The following UBE2E2 variants were observed in gnomAD, a reference collection of about 807,000 sequenced individuals.
UBE2E2 encodes ubiquitin conjugating enzyme E2 E2.
Under a neutral mutation model 24.7 loss-of-function variants are expected in UBE2E2, and 6 were observed. The ratio of observed to expected loss-of-function variants is 0.24; its 90% CI spans 0.13 to 0.48. UBE2E2 has a LOEUF of 0.48. Ranked by LOEUF, UBE2E2 falls within the 20% of genes least tolerant of loss-of-function variation. The pLI, the probability that UBE2E2 is intolerant of heterozygous loss-of-function variation, is 0.99. For synonymous variants in UBE2E2, 104 were observed against 83.6 expected, an observed-to-expected ratio of 1.24 and a Z score of -1.33; for missense variants, 169 against 245.0, an observed-to-expected ratio of 0.69 and a Z score of 2.07.
At chr3:23,310,526 G>A (rs1312083647) in intron 3 of UBE2E2, among the ~76,000 whole-genome samples, 2 of 152,152 alleles carry the variant, frequency 1.3e-5, no homozygotes, top group African/African-American at 4.8e-5. Context: ...AATGGGGAAT[G>A]AAAAGGAAAG....
At position 23,583,392 on chromosome 3, in the gene UBE2E2, G is replaced by A. The variant is rs117479769; in HGVS notation, c.509-6342G>A. 6.6e-6 allele frequency among the ~76,000 whole-genome samples: 1 copy of A among 152,134 alleles called. No individual in the cohort carries two copies. Among genetic ancestry groups the A allele is most frequent in the Non-Finnish European group, 1.5e-5 (1 of 68,024 alleles). On this transcript the variant is annotated intron_variant, in intron 5 of 5. Transcript: ENST00000396703. This position sits in a 1 kb window ranked among gnomAD's most constrained non-coding sequence, Gnocchi z 4.1. ...CTTCCACCTTTGTTCTTTTTGCTTAGCATTGCTTTGGCTATTCAGGCCCTT... is the reference window on the plus strand; with the variant it reads ...CTTCCACCTTTGTTCTTTTTGCTTAACATTGCTTTGGCTATTCAGGCCCTT...
chr3:23,303,841 G>C (rs534093165), intron 3 of UBE2E2, among the ~76,000 whole-genome samples: 64 of 152,226 alleles, frequency 4.2e-4, no homozygotes, highest in Non-Finnish European at 8.5e-4. Flanking sequence ...ACCATTCTTG[G>C]CCTTTTAAGT....
intron 2 of UBE2E2, among the ~76,000 whole-genome samples, chr3:23,211,269 AT>A (rs1696314961): frequency 6.6e-6 from 1 of 152,148 alleles, no homozygotes. Context: ...GTTGACGATC[AT>A]TTTTATTCAG....
At chr3:23,228,372 G>C (rs1696880014) in intron 3 of UBE2E2, among the ~76,000 whole-genome samples, 1 of 151,986 alleles carries the variant, frequency 6.6e-6, no homozygotes. Flanking sequence ...AGTTTGCCCA[G>C]CTTTATATCT....
At chr3:23,515,659 G>A (rs2125469833) in intron 4 of UBE2E2, among the ~76,000 whole-genome samples, 1 of 152,072 alleles carries the variant, frequency 6.6e-6, no homozygotes, top group Non-Finnish European at 1.5e-5. Flanking sequence ...TATAAAAGTG[G>A]TATAAAAATT....
At chr3:23,481,561 A>T (rs1699260778) in intron 3 of UBE2E2, among the ~76,000 whole-genome samples, 1 of 152,152 alleles carries the variant, frequency 6.6e-6, no homozygotes, top group Admixed American at 6.5e-5. Flanking sequence ...ATGGTTAGGG[A>T]TTGGTCTTTC....
At chr3:23,585,444 T>A (rs1696605300) in intron 5 of UBE2E2, among the ~76,000 whole-genome samples, 1 of 151,892 alleles carries the variant, frequency 6.6e-6, no homozygotes, top group Non-Finnish European at 1.5e-5. Context: ...AAGCTTTGTA[T>A]ACCTAACTTC....
chr3:23,382,178 A>ATTTTTTTTTTTTTTTTTTTTTTTT (rs10645761), intron 3 of UBE2E2, among the ~76,000 whole-genome samples: 1 of 110,842 alleles, frequency 9.0e-6, no homozygotes, highest in African/African-American at 3.5e-5. Flanking sequence ...GAATACTTTA[A>ATTTTTTTTTTTTTTTTTTTTTTTT]TTTTTTTTTT....
intron 3 of UBE2E2, among the ~76,000 whole-genome samples, chr3:23,257,781 T>G (rs1697777419): frequency 6.6e-6 from 1 of 152,060 alleles, no homozygotes; most frequent in South Asian, 2.1e-4. Flanking sequence ...AATAGTATTT[T>G]GTGGGAAAAT....
chr3:23,511,860 A>T (rs1995173), intron 4 of UBE2E2, among the ~76,000 whole-genome samples: 33,521 of 152,122 alleles, frequency 0.22, 3,781 homozygotes, highest in African/African-American at 0.27. Context: ...ATATAAATTA[A>T]TTTTCTCACA....
At chr3:23,418,171 C>G (rs968294926) in intron 3 of UBE2E2, among the ~76,000 whole-genome samples, 1 of 152,210 alleles carries the variant, frequency 6.6e-6, no homozygotes. Flanking sequence ...ACTTGAAACC[C>G]ACGGCCCTGG....
At chr3:23,482,917 C>G (rs902655709) in intron 3 of UBE2E2, among the ~76,000 whole-genome samples, 1 of 152,152 alleles carries the variant, frequency 6.6e-6, no homozygotes, top group African/African-American at 2.4e-5. Flanking sequence ...AAATAACTAA[C>G]TGAATGTTAT....
At chr3:23,411,283 G>A (rs1697490316) in intron 3 of UBE2E2, among the ~76,000 whole-genome samples, 1 of 152,174 alleles carries the variant, frequency 6.6e-6, no homozygotes, top group African/African-American at 2.4e-5. Context: ...GGAGTCACTT[G>A]CGGTTGGGAA....
At chr3:23,528,472 G>A (rs1232299044) in intron 4 of UBE2E2, among the ~76,000 whole-genome samples, 1 of 152,244 alleles carries the variant, frequency 6.6e-6, no homozygotes, top group South Asian at 2.1e-4. Context: ...GCAGCACCCC[G>A]AGAGTGGTGG....
At chr3:23,358,462 A>G (rs1696027591) in intron 3 of UBE2E2, among the ~76,000 whole-genome samples, 1 of 152,222 alleles carries the variant, frequency 6.6e-6, no homozygotes, top group African/African-American at 2.4e-5. Flanking sequence ...CTATATAACA[A>G]ACCTCTTTAA....
chr3:23,411,497 C>A (rs1174774624), intron 3 of UBE2E2, among the ~76,000 whole-genome samples: 1 of 152,120 alleles, frequency 6.6e-6, no homozygotes, highest in Non-Finnish European at 1.5e-5. Context: ...AATTCGAGAC[C>A]TCACCTGTCT....
intron 3 of UBE2E2, among the ~76,000 whole-genome samples, chr3:23,299,853 CT>C (rs1469785550): frequency 6.6e-6 from 1 of 152,060 alleles, no homozygotes; most frequent in Non-Finnish European, 1.5e-5. Context: ...AACTTTCTGT[CT>C]CGTTGATCTG....
rs147336642 is a variant in UBE2E2, at chr3:23,336,741, T to C, written c.227+119429T>C. ...AGAAAAAAATAGTTGATTATGCTTT[T>C]TAATTGTGTGTTTGGGGTTTTGGCT... On this transcript the variant is annotated intron_variant, in intron 3 of 5. Coordinates refer to ENST00000396703, the MANE Select transcript of UBE2E2 (RefSeq NM_152653.4). Among the ~76,000 whole-genome samples, 452 of 152,356 alleles carry C rather than the reference T, an allele frequency of 3.0e-3. 4 individuals carry two copies. Among genetic ancestry groups the C allele is most frequent in the African/African-American group, 9.7e-3 (405 of 41,578 alleles).
At chr3:23,490,275 C>T (rs755802491) in intron 3 of UBE2E2, among the ~76,000 whole-genome samples, 8 of 152,164 alleles carry the variant, frequency 5.3e-5, no homozygotes, top group Non-Finnish European at 7.3e-5. Flanking sequence ...AATTTTAAAT[C>T]TGAAAAACTT....
Sources: gnomAD v4.1 joint callset for allele counts (sites outside exome capture counted in the v4.1 genomes callset) on GRCh38, gnomAD v4.1.1 for gene constraint, Gnocchi (gnomAD v3.1) non-coding constraint, MANE v1.5 for transcripts, NCBI Gene and HGNC (gene_info 2026-07-23, HGNC 2026-07-21) for gene names.